The following PLCZ1 variants were observed in gnomAD, a reference collection of about 807,000 sequenced individuals.
PLCZ1 encodes the protein phospholipase C zeta 1.
PLCZ1 carries 64 observed loss-of-function variants against 76.8 expected under a neutral mutation model. That is an observed-to-expected ratio of 0.83 (90% confidence interval 0.68 to 1.03). The LOEUF (loss-of-function observed/expected upper bound fraction) is 1.03, where lower values mean the gene tolerates loss of function less well. PLCZ1 is among the 50% of genes least tolerant of loss of function. PLCZ1 has a pLI of 0.00. For missense variants in PLCZ1, 751 were observed against 713.7 expected (o/e 1.05, Z -0.60); for synonymous variants, 248 against 230.8 (o/e 1.07, Z -0.68).
intron 12 of PLCZ1, among the ~76,000 whole-genome samples, chr12:18,689,955 G>A (rs529743152): frequency 1.4e-4 from 21 of 152,226 alleles, no homozygotes; most frequent in African/African-American, 4.6e-4. Flanking sequence ...GGCCATGGCA[G>A]CAGCTTCCTG....
intron 13 of PLCZ1, among the ~76,000 whole-genome samples, chr12:18,687,296 C>A (rs1953303092): frequency 6.6e-6 from 1 of 152,114 alleles, no homozygotes; most frequent in South Asian, 2.1e-4. Context: ...ACTGTGCCTG[C>A]TACTCTGTCA....
At chr12:18,732,811 T>C (rs1345240913) in intron 3 of PLCZ1, among the ~76,000 whole-genome samples, 2 of 152,236 alleles carry the variant, frequency 1.3e-5, no homozygotes, top group African/African-American at 4.8e-5. Flanking sequence ...TCTTTATTTT[T>C]TCAGGATGAG....
chr12:18,732,189 T>A (rs567266757), intron 3 of PLCZ1, among the ~76,000 whole-genome samples: 2 of 152,134 alleles, frequency 1.3e-5, no homozygotes, highest in Admixed American at 1.3e-4. Context: ...TCTCTCTTTG[T>A]CACCCAGGCT....
At chr12:18,734,714 T>C (rs1182457050) in intron 3 of PLCZ1, among the ~76,000 whole-genome samples, 2 of 152,198 alleles carry the variant, frequency 1.3e-5, no homozygotes, top group Non-Finnish European at 1.5e-5. Context: ...CATCAGTGAA[T>C]AGAGATAATT....
intron 7 of PLCZ1, among the ~76,000 whole-genome samples, chr12:18,704,620 C>T (rs1226044086): frequency 6.6e-6 from 1 of 152,000 alleles, no homozygotes; most frequent in Non-Finnish European, 1.5e-5. Context: ...AGTCACTGCA[C>T]CGGGCCATAG....
chr12:18,676,666 T>A, the PLCZ1 span, among the ~76,000 whole-genome samples: 2,081 of 152,260 alleles, frequency 0.014, 48 homozygotes, highest in African/African-American at 0.048. Context: ...AGGACTATAG[T>A]ATAAGCATTA....
At chr12:18,696,331 TATATATATATATATATATATC>T (rs1197414628) in intron 10 of PLCZ1, 65 bp from the exon 11 acceptor site, 1 of 90,870 alleles carries the variant, frequency 1.1e-5, no homozygotes, top group African/African-American at 4.0e-5. Context: ...ACTATATATA[TATATATATATATATATATATC>T]ATATAATTCT....
chr12:18,726,882 G>C (rs1958779722), intron 3 of PLCZ1, among the ~76,000 whole-genome samples: 1 of 152,202 alleles, frequency 6.6e-6, no homozygotes, highest in African/African-American at 2.4e-5. Flanking sequence ...AGTTTAAATT[G>C]TTTGGCAGTT....
intron 11 of PLCZ1, 75 bp from the exon 12 acceptor site, chr12:18,695,154 A>G: frequency 1.4e-6 from 2 of 1,387,336 alleles, no homozygotes; most frequent in Non-Finnish European, 2.0e-6. Context: ...ACTTACTGAA[A>G]TCTAATAATG....
intron 7 of PLCZ1, among the ~76,000 whole-genome samples, chr12:18,702,427 A>T (rs1382222779): frequency 6.6e-6 from 1 of 152,200 alleles, no homozygotes; most frequent in Non-Finnish European, 1.5e-5. Context: ...TAATTTCTTT[A>T]ATTTAACAAG....
In PLCZ1 at chr12:18,684,275, A is replaced by G. The variant is rs1952757263; in HGVS notation, c.1596T>C (p.Phe532=). The change falls in exon 14 of 15, where the codon TTT becomes TTC. Residue 532 remains phenylalanine, a synonymous_variant. Transcript: ENST00000266505. Reference sequence around the variant, plus strand: ...TGAATGTTTCATTCCATCTTGGACTAAAAGCTGAAATATAAAAAAAGAAGA... The same window carrying G: ...TGAATGTTTCATTCCATCTTGGACTGAAAGCTGAAATATAAAAAAAGAAGA... ...QQTRVIKKNA[F]SPRWNETFTF... The G allele has an allele frequency of 2.5e-6, 4 of 1,602,858 alleles. No homozygotes were observed. The highest frequency in any genetic ancestry group is 2.7e-5 in the African/African-American group (2 of 74,550).
Position 18,698,937 on chromosome 12 carries a change from A to C in PLCZ1, c.1174+857T>G, listed in dbSNP as rs531769099. 1.6e-4 allele frequency among the ~76,000 whole-genome samples: 25 copies of C among 152,300 alleles called. No homozygotes were observed. The South Asian group carries it at 4.8e-3, about 29-fold the overall frequency. On this transcript the variant is annotated intron_variant, in intron 10 of 14. Transcript: ENST00000266505. ...TCCCCCATACCCCTGCTACTAAAAA[A>C]AACTGCCATTTTTTGAGGATTAGCA...
chr12:18,681,515 A>C (rs374802841), downstream of PLCZ1, among the ~76,000 whole-genome samples: 4 of 152,070 alleles, frequency 2.6e-5, no homozygotes, highest in Admixed American at 2.0e-4. Flanking sequence ...GGAGTTTTAC[A>C]TGAATAAAAT....
At chr12:18,721,891 A>C (rs897053735) in intron 4 of PLCZ1, among the ~76,000 whole-genome samples, 7 of 152,006 alleles carry the variant, frequency 4.6e-5, no homozygotes, top group African/African-American at 1.7e-4. Context: ...AGAACCCTTC[A>C]AAATCTTTGC....
chr12:18,685,840 ACACG>A lies in PLCZ1; in HGVS notation c.1592-1565_1592-1562del, dbSNP rs886512283. 3.4e-4 allele frequency among the ~76,000 whole-genome samples: 31 copies of A among 92,116 alleles called. No homozygotes were observed. In the East Asian group the frequency reaches 8.9e-3, roughly 26 times the overall value. The allele number at this position is 92,116 out of a possible 152,430, so 60.4% of individuals were successfully genotyped here. ...CTGTATCTCTCTCTGTCACACACAC[ACACG>A]CGCACACACACACACACACACACAC... On this transcript the variant is annotated intron_variant, in intron 13 of 14. Transcript: ENST00000266505.
chr12:18,685,283 A>G (rs1196200136), intron 13 of PLCZ1, among the ~76,000 whole-genome samples: 1 of 152,040 alleles, frequency 6.6e-6, no homozygotes, highest in African/African-American at 2.4e-5. Flanking sequence ...TCTGCCAAGC[A>G]AGAAATCCAC....
At chr12:18,703,056 A>G (rs952563999) in intron 7 of PLCZ1, among the ~76,000 whole-genome samples, 1 of 152,188 alleles carries the variant, frequency 6.6e-6, no homozygotes, top group Non-Finnish European at 1.5e-5. Flanking sequence ...CGGGAATGCT[A>G]GAAAAATAGA....
At chr12:18,715,192 GGAGA>G (rs140208258) in intron 5 of PLCZ1, among the ~76,000 whole-genome samples, 90 of 8,924 alleles carry the variant, frequency 0.01, 3 homozygotes, top group African/African-American at 0.024. Flanking sequence ...GCGGAGGGAG[GGAGA>G]GAGAGAGAGA....
chr12:18,649,176 C>T, the PLCZ1 span, among the ~76,000 whole-genome samples: 1 of 150,484 alleles, frequency 6.6e-6, no homozygotes, highest in Non-Finnish European at 1.5e-5. Context: ...GCAACTCCTC[C>T]CCTAATCCTC....
Sources: gnomAD v4.1 joint callset for allele counts (sites outside exome capture counted in the v4.1 genomes callset) on GRCh38, gnomAD v4.1.1 for gene constraint, MANE v1.5 for transcripts, NCBI Gene and HGNC (gene_info 2026-07-23, HGNC 2026-07-21) for gene names.